The following ANK1 variants were observed in gnomAD, a reference collection of about 807,000 sequenced individuals.
ANK1 encodes ankyrin-1.
A neutral mutation model predicts 210.4 loss-of-function variants in ANK1; 51 were observed. That is an observed-to-expected ratio of 0.24 (90% CI 0.19 to 0.31). The LOEUF (loss-of-function observed/expected upper bound fraction) is 0.31. Ranked by LOEUF, ANK1 falls within the 10% of genes least tolerant of loss-of-function variation. The probability of loss-of-function intolerance (pLI) is 1.00; values close to 1 mark genes in which losing one functional copy is unlikely to be tolerated. For synonymous variants in ANK1, 967 were observed against 1,025.9 expected (o/e 0.94, Z 1.10); for missense variants, 2,051 against 2,504.4 (o/e 0.82, Z 3.86).
At chr8:41,795,494 G>A (rs952514389) in intron 1 of ANK1, among the ~76,000 whole-genome samples, 3 of 152,162 alleles carry the variant, frequency 2.0e-5, no homozygotes, top group South Asian at 2.1e-4. Flanking sequence ...GGGCAACAGA[G>A]CGAGACTCTG....
At chr8:41,810,781 G>A (rs1802369934) in intron 1 of ANK1, among the ~76,000 whole-genome samples, 1 of 152,234 alleles carries the variant, frequency 6.6e-6, no homozygotes, top group Non-Finnish European at 1.5e-5. Flanking sequence ...AGGGCCGGGA[G>A]AGCCAGGAGA....
At chr8:41,745,326 G>A (rs1489779410) in intron 2 of ANK1, among the ~76,000 whole-genome samples, 1 of 152,198 alleles carries the variant, frequency 6.6e-6, no homozygotes, top group Non-Finnish European at 1.5e-5. Context: ...ACGTGGGAAA[G>A]TGTCCTTACT....
At chr8:41,710,681 G>A (rs1186915584) in intron 16 of ANK1, among the ~76,000 whole-genome samples, 2 of 152,222 alleles carry the variant, frequency 1.3e-5, no homozygotes, top group African/African-American at 4.8e-5. Flanking sequence ...TGCCCAACGT[G>A]GGATCTGTCT....
At chr8:41,772,779 A>G (rs568192973) in intron 1 of ANK1, among the ~76,000 whole-genome samples, 1 of 151,764 alleles carries the variant, frequency 6.6e-6, no homozygotes, top group South Asian at 2.1e-4. Flanking sequence ...TCTCCTCCTG[A>G]CCCTCCTTCC....
At chr8:41,746,860 G>T (rs892784775) in intron 2 of ANK1, among the ~76,000 whole-genome samples, 2 of 138,042 alleles carry the variant, frequency 1.4e-5, no homozygotes, top group Admixed American at 1.5e-4. Context: ...CGAGATCTTG[G>T]TATTCTTTAA....
intron 1 of ANK1, among the ~76,000 whole-genome samples, chr8:41,831,761 A>G (rs532295662): frequency 6.6e-6 from 1 of 152,240 alleles, no homozygotes; most frequent in East Asian, 1.9e-4. Context: ...CTTTATTTTT[A>G]TTTATCACCG....
At position 41,708,954 on chromosome 8, in the gene ANK1, T is replaced by A. The variant is rs768426752; in HGVS notation, c.1822A>T (p.Ile608Phe). The change falls in exon 17 of 43, where the codon ATC becomes TTC. Residue 608 changes from isoleucine (I) to phenylalanine (F), a missense_variant. Around this residue, in one of 6 missense-constraint regions of ANK1, gnomAD observed 1,413 missense variants for 1,707.4 expected, o/e 0.83. Transcript: ENST00000289734. Reference sequence around the variant, plus strand: ...TCCACCTGGTTCTGCTTGGCAGCGATGTGCAAAGGGGTGTAGCCATTCTGA... The same window carrying A: ...TCCACCTGGTTCTGCTTGGCAGCGAAGTGCAAAGGGGTGTAGCCATTCTGA... Reference protein sequence around the residue: ...PAWNGYTPLHIAAKQNQVEVA... With the variant: ...PAWNGYTPLHFAAKQNQVEVA... The A allele has an allele frequency of 1.9e-6, 3 of 1,613,886 alleles. No individual in the cohort carries two copies. The highest frequency in any genetic ancestry group is 4.5e-5 in the East Asian group (2 of 44,876).
intron 1 of ANK1, among the ~76,000 whole-genome samples, chr8:41,817,727 A>G (rs908800522): frequency 6.6e-6 from 1 of 152,254 alleles, no homozygotes; most frequent in Non-Finnish European, 1.5e-5. Context: ...AAAAATTCCT[A>G]TCATGCTTTA....
intron 1 of ANK1, among the ~76,000 whole-genome samples, chr8:41,869,981 T>G (rs1415742698): frequency 1.3e-5 from 2 of 152,166 alleles, no homozygotes; most frequent in Admixed American, 6.5e-5. Context: ...TACAGATTCT[T>G]GAGTCCTACC....
At chr8:41,832,288 C>T (rs755019365) in intron 1 of ANK1, among the ~76,000 whole-genome samples, 4 of 152,296 alleles carry the variant, frequency 2.6e-5, no homozygotes, top group South Asian at 2.1e-4. Flanking sequence ...AGTTAACCCA[C>T]GTTCCCTGGG....
intron 3 of ANK1, among the ~76,000 whole-genome samples, chr8:41,731,055 C>A (rs1832062212): frequency 6.6e-6 from 1 of 152,166 alleles, no homozygotes; most frequent in Non-Finnish European, 1.5e-5. Context: ...GCCAGCTGAG[C>A]CAACGGTAGC....
chr8:41,757,086 G>A lies in ANK1; in HGVS notation c.129+950C>T, dbSNP rs1839339758. Among the ~76,000 whole-genome samples, 8 of 152,150 alleles carry A rather than the reference G, an allele frequency of 5.3e-5. No individual in the cohort carries two copies. In the South Asian group the frequency reaches 1.7e-3, roughly 32 times the overall value. On this transcript the variant is annotated intron_variant, in intron 2 of 42. Coordinates refer to ENST00000289734, the MANE Select transcript of ANK1 (RefSeq NM_000037.4). ...TTAAAGAGAACAGAGTTTCAGTTTT[G>A]CAACATGAAAAGAGTTCTGGAGATG...
chr8:41,843,654 G>A (rs769429200), intron 1 of ANK1, among the ~76,000 whole-genome samples: 3 of 152,136 alleles, frequency 2.0e-5, no homozygotes, highest in African/African-American at 4.8e-5. Context: ...TCATGAGAGG[G>A]ACTGGCAGAC....
chr8:41,820,629 C>T (rs1481875120), intron 1 of ANK1, among the ~76,000 whole-genome samples: 2 of 152,044 alleles, frequency 1.3e-5, no homozygotes, highest in Non-Finnish European at 2.9e-5. Flanking sequence ...GCAAGCTAGT[C>T]CCAGCCAGTG....
At chr8:41,831,643 A>C (rs2150797890) in intron 1 of ANK1, among the ~76,000 whole-genome samples, 1 of 119,854 alleles carries the variant, frequency 8.3e-6, no homozygotes, top group South Asian at 2.7e-4. Flanking sequence ...GTCTGTCAAA[A>C]AAAAAAAAAA....
chr8:41,852,956 AATC>A (rs1336006851), intron 1 of ANK1, among the ~76,000 whole-genome samples: 1 of 152,208 alleles, frequency 6.6e-6, no homozygotes, highest in Non-Finnish European at 1.5e-5. Flanking sequence ...GATGGGGACA[AATC>A]ATCCTTTCCT....
chr8:41,867,018 T>C (rs1814590816), intron 1 of ANK1, among the ~76,000 whole-genome samples: 1 of 152,254 alleles, frequency 6.6e-6, no homozygotes, highest in Non-Finnish European at 1.5e-5. Flanking sequence ...TTTTAATTTT[T>C]TGAGGAACCT....
intron 1 of ANK1, among the ~76,000 whole-genome samples, chr8:41,796,368 G>T (rs1848728821): frequency 6.6e-6 from 1 of 151,942 alleles, no homozygotes; most frequent in Admixed American, 6.6e-5. Flanking sequence ...CGGGACACCT[G>T]CAGTCACCTG....
chr8:41,664,722 G>C lies in ANK1; in HGVS notation c.5395-980C>G, dbSNP rs1809794435. 27 of 1,381,774 alleles carry C rather than the reference G, an allele frequency of 2.0e-5. No homozygotes were observed. In the South Asian group the frequency reaches 3.3e-4, roughly 17 times the overall value. The allele number at this position is 1,381,774 out of a possible 1,614,324, so 85.6% of individuals were successfully genotyped here. On this transcript the variant is annotated intron_variant, in intron 39 of 42. Coordinates refer to ENST00000289734, the MANE Select transcript of ANK1 (RefSeq NM_000037.4). ...CCGGCGTCTCCCAACTCTGGGTCCG[G>C]AGCTCCCCACAGCAGCGTCCCCTCA...
Sources: allele counts gnomAD v4.1 joint callset (sites outside exome capture counted in the v4.1 genomes callset), GRCh38; gene constraint gnomAD v4.1.1; regional missense constraint gnomAD v4.1.1; transcripts MANE v1.5; gene names NCBI Gene and HGNC (gene_info 2026-07-23, HGNC 2026-07-21).